LDLRAD4: variants seen among roughly 807,000 people sequenced by gnomAD.
LDLRAD4 encodes the protein low density lipoprotein receptor class A domain containing 4.
In LDLRAD4, 5 loss-of-function variants were observed where a neutral mutation model predicts 17.0. That is an observed-to-expected ratio of 0.29 (90% CI 0.15 to 0.62). The LOEUF (loss-of-function observed/expected upper bound fraction) is 0.62. Among genes scored for constraint, LDLRAD4 ranks in the 20% least tolerant of loss-of-function variants. The pLI is 0.84. For synonymous variants in LDLRAD4, 168 were observed against 171.8 expected (o/e 0.98, Z 0.17); for missense variants, 340 against 424.7 (o/e 0.80, Z 1.75).
chr18:13,356,760 T>G lies in LDLRAD4; in HGVS notation c.-382-30581T>G, dbSNP rs1214264262. Among the ~76,000 whole-genome samples, 5 of 152,316 alleles carry G rather than the reference T, an allele frequency of 3.3e-5. No homozygotes were observed. The East Asian group carries it at 9.7e-4, about 29-fold the overall frequency. Reference sequence around the variant, plus strand: ...GCACCCCCTGTCTTGAAATTTATAATAATGACTTTCTAACATTTCTTTATG... The same window carrying G: ...GCACCCCCTGTCTTGAAATTTATAAGAATGACTTTCTAACATTTCTTTATG... On this transcript the variant is annotated intron_variant, in intron 1 of 5. Coordinates refer to ENST00000359446, the Ensembl canonical transcript of LDLRAD4.
At chr18:13,567,041 G>A (rs77233900) in intron 3 of LDLRAD4, among the ~76,000 whole-genome samples, 1,910 of 152,288 alleles carry the variant, frequency 0.013, 44 homozygotes, top group African/African-American at 0.044. Flanking sequence ...ACCAAGCCGC[G>A]CCTGGCCCAG....
At chr18:13,612,829 GTTC>G in intron 3 of LDLRAD4, 1 of 1,607,600 alleles carries the variant, frequency 6.2e-7, no homozygotes, top group Non-Finnish European at 8.5e-7. Flanking sequence ...GTTTGCTGTG[GTTC>G]TTCTTGGAGT....
At chr18:13,397,487 G>A (rs567789462) in intron 2 of LDLRAD4, among the ~76,000 whole-genome samples, 28 of 152,140 alleles carry the variant, frequency 1.8e-4, no homozygotes, top group Non-Finnish European at 3.8e-4. Context: ...GGCTGATCTT[G>A]TATTCCTGAC....
At chr18:13,594,665 CAAAA>C (rs56035558) in intron 3 of LDLRAD4, among the ~76,000 whole-genome samples, 989 of 29,532 alleles carry the variant, frequency 0.033, 12 homozygotes, top group African/African-American at 0.077. Context: ...GATTCCATCT[CAAAA>C]AAAAAAAAAA....
intron 1 of LDLRAD4, among the ~76,000 whole-genome samples, chr18:13,222,683 T>C (rs1359078514): frequency 6.6e-6 from 1 of 152,194 alleles, no homozygotes; most frequent in African/African-American, 2.4e-5. Context: ...TGTGCCTTGC[T>C]TTTATTTTTG....
chr18:13,295,915 C>T (rs1251645067), intron 1 of LDLRAD4, among the ~76,000 whole-genome samples: 1 of 152,202 alleles, frequency 6.6e-6, no homozygotes, highest in Admixed American at 6.5e-5. Flanking sequence ...AAAGTTGGAG[C>T]TTTGGGACTC....
intron 1 of LDLRAD4, among the ~76,000 whole-genome samples, chr18:13,357,334 G>C (rs1407217852): frequency 6.6e-6 from 1 of 151,780 alleles, no homozygotes; most frequent in Non-Finnish European, 1.5e-5. Flanking sequence ...TATTCTCCTA[G>C]AGTGTTGGTA....
chr18:13,394,113 A>T (rs2086477565), intron 2 of LDLRAD4, among the ~76,000 whole-genome samples: 1 of 152,226 alleles, frequency 6.6e-6, no homozygotes, highest in Non-Finnish European at 1.5e-5. Flanking sequence ...CCATTTGCAC[A>T]TTCTGTGGTA....
At chr18:13,453,430 C>T (rs1370433132) in intron 3 of LDLRAD4, among the ~76,000 whole-genome samples, 1 of 152,070 alleles carries the variant, frequency 6.6e-6, no homozygotes, top group African/African-American at 2.4e-5. Flanking sequence ...TCAGCAGCTC[C>T]GCTACTCCGT....
intron 1 of LDLRAD4, among the ~76,000 whole-genome samples, chr18:13,330,247 C>A (rs1295217125): frequency 6.6e-6 from 1 of 152,210 alleles, no homozygotes; most frequent in African/African-American, 2.4e-5. Flanking sequence ...CAGGTGTGAG[C>A]CACTGTGCCT....
chr18:13,605,402 A>C lies in LDLRAD4; in HGVS notation c.182-15715A>C, dbSNP rs1172156453. On this transcript the variant is annotated intron_variant, in intron 3 of 5. Transcript: ENST00000359446. Reference sequence around the variant, plus strand: ...CTGGCTAATTTTTAAATTTTTTTTGAAGATGTGGTCTCACTGTGTTGCCCA... The same window carrying C: ...CTGGCTAATTTTTAAATTTTTTTTGCAGATGTGGTCTCACTGTGTTGCCCA... 2.6e-5 allele frequency among the ~76,000 whole-genome samples: 4 copies of C among 152,110 alleles called. No homozygotes were observed. The East Asian group carries it at 7.7e-4, about 29-fold the overall frequency.
intron 1 of LDLRAD4, among the ~76,000 whole-genome samples, chr18:13,303,441 T>C (rs2046724022): frequency 1.3e-5 from 2 of 152,086 alleles, no homozygotes; most frequent in Admixed American, 1.3e-4. Context: ...TTTCTCTCGC[T>C]CTTTCTCTCT....
intron 4 of LDLRAD4, among the ~76,000 whole-genome samples, chr18:13,641,420 T>G (rs186077999): frequency 1.6e-3 from 244 of 152,296 alleles, no homozygotes; most frequent in African/African-American, 5.3e-3. Flanking sequence ...ATGGATAGAT[T>G]AGATGGATGA....
At chr18:13,596,955 A>G (rs2095103408) in intron 3 of LDLRAD4, among the ~76,000 whole-genome samples, 1 of 152,214 alleles carries the variant, frequency 6.6e-6, no homozygotes, top group South Asian at 2.1e-4. Context: ...TTAAGAGAAG[A>G]AGGAAGAAGA....
chr18:13,355,415 A>G (rs2083279347), intron 1 of LDLRAD4, among the ~76,000 whole-genome samples: 2 of 152,212 alleles, frequency 1.3e-5, no homozygotes, highest in Admixed American at 1.3e-4. Flanking sequence ...AGGAGTTTCT[A>G]TCATAAGCCA....
chr18:13,246,919 A>G (rs895620024), intron 1 of LDLRAD4, among the ~76,000 whole-genome samples: 1 of 151,678 alleles, frequency 6.6e-6, no homozygotes. Context: ...GAAAATCTGC[A>G]ATGTTTTTTT....
At position 13,607,958 on chromosome 18, in the gene LDLRAD4, C is replaced by G. The variant is rs552864921; in HGVS notation, c.182-13159C>G. 3.3e-5 allele frequency among the ~76,000 whole-genome samples: 5 copies of G among 152,218 alleles called. No individual in the cohort carries two copies. In the South Asian group the frequency reaches 6.2e-4, roughly 19 times the overall value. The stretch of plus-strand genomic sequence containing the variant: ...TGATTTATAATCCTTTGGGTATATA[C>G]CCAGTAATGGGACTGCTGGGCCAAA... On this transcript the variant is annotated intron_variant, in intron 3 of 5. Coordinates refer to ENST00000359446, the Ensembl canonical transcript of LDLRAD4.
At chr18:13,505,617 A>G (rs149147854) in intron 3 of LDLRAD4, among the ~76,000 whole-genome samples, 2,205 of 152,238 alleles carry the variant, frequency 0.014, 55 homozygotes, top group African/African-American at 0.052. Context: ...CAGGAGATTG[A>G]GACCATCCTG....
chr18:13,642,559 C>G, intron 4 of LDLRAD4: 2 of 1,228,304 alleles, frequency 1.6e-6, no homozygotes, highest in East Asian at 6.3e-5. Flanking sequence ...GGAGAAGACA[C>G]TCGCTGGAGG....
Sources: gnomAD v4.1 joint callset for allele counts (sites outside exome capture counted in the v4.1 genomes callset) on GRCh38, gnomAD v4.1.1 for gene constraint, MANE v1.5 for transcripts, NCBI Gene and HGNC (gene_info 2026-07-23, HGNC 2026-07-21) for gene names.